RBFOX1: variants seen among roughly 807,000 people sequenced by gnomAD.
RBFOX1 encodes the protein RNA binding fox-1 homolog 1.
Under a neutral mutation model 57.7 loss-of-function variants are expected in RBFOX1, and 8 were observed. The ratio of observed to expected loss-of-function variants is 0.14; its 90% confidence interval spans 0.08 to 0.25. RBFOX1 has a LOEUF of 0.25. RBFOX1 is among the 10% of genes least tolerant of loss of function. The probability of loss-of-function intolerance (pLI) is 1.00; values close to 1 mark genes in which losing one functional copy is unlikely to be tolerated. For missense variants in RBFOX1, 611 were observed against 548.5 expected (o/e 1.11, Z -1.14); for synonymous variants, 326 against 222.4 (o/e 1.47, Z -4.15).
In RBFOX1 at chr16:6,869,698, G is replaced by C. The variant is rs141592270; in HGVS notation, c.-15-182359G>C. ...AACAAATTCTAGGACACACATTCAT[G>C]CAGTTGGCAAAGCCATGTGACTCTA... On this transcript the variant is annotated intron_variant, in intron 3 of 15. Coordinates refer to ENST00000550418, the MANE Select transcript of RBFOX1 (RefSeq NM_018723.4). Among the ~76,000 whole-genome samples the C allele has an allele frequency of 6.6e-3, 999 of 152,292 alleles. 16 individuals carry two copies. Among genetic ancestry groups the C allele is most frequent in the African/African-American group, 0.023 (946 of 41,570 alleles).
rs142592359 is a variant in RBFOX1 at position 6,131,830 on chromosome 16, C to G, written c.-127+111838C>G. ...GGCTCACATGTGCTGCTGGTGGTAA[C>G]ACATTCTCCTGCCACTCTCTGGCTC... is the stretch of plus-strand genomic sequence containing the variant. On this transcript the variant is annotated intron_variant, in intron 1 of 15. Coordinates refer to ENST00000550418, the MANE Select transcript of RBFOX1 (RefSeq NM_018723.4). 2.9e-3 allele frequency among the ~76,000 whole-genome samples: 436 copies of G among 152,218 alleles called. 2 individuals are homozygous for G. The highest frequency in any genetic ancestry group is 0.01 in the African/African-American group (429 of 41,542).
At chr16:7,362,128 G>T (rs1419442985) in intron 4 of RBFOX1, among the ~76,000 whole-genome samples, 1 of 151,678 alleles carries the variant, frequency 6.6e-6, no homozygotes, top group Non-Finnish European at 1.5e-5. Flanking sequence ...TGGATGTTTT[G>T]TGTGTGTGTT....
rs931925431 is a variant in RBFOX1 at position 7,650,558 on chromosome 16, C to A, written c.758-3257C>A. On this transcript the variant is annotated intron_variant, in intron 11 of 15. Transcript: ENST00000550418. ...TCCTGGCTCCACGCTCTTAACAGCACGTGCTCCCCTCTCTCTCTCTTGCCA... is the reference window on the plus strand; with the variant it reads ...TCCTGGCTCCACGCTCTTAACAGCAAGTGCTCCCCTCTCTCTCTCTTGCCA... Among the ~76,000 whole-genome samples the A allele has an allele frequency of 1.4e-4, 21 of 149,654 alleles. No individual in the cohort carries two copies. In the Admixed American group the frequency reaches 1.4e-3, roughly 10 times the overall value.
intron 2 of RBFOX1, among the ~76,000 whole-genome samples, chr16:6,567,961 C>G (rs1013592268): frequency 5.3e-5 from 8 of 152,162 alleles, no homozygotes; most frequent in African/African-American, 1.7e-4. Context: ...GCTGGGACTA[C>G]AGGCGCATGC....
chr16:5,628,815 C>G (rs971117560), intron 3 of RBFOX1, among the ~76,000 whole-genome samples: 1 of 152,224 alleles, frequency 6.6e-6, no homozygotes, highest in African/African-American at 2.4e-5. Context: ...AGGGAGATCT[C>G]ATGGCACCCT....
Position 5,599,229 on chromosome 16 carries a change from C to A in RBFOX1, c.586C>A (p.Pro196Thr), listed in dbSNP as rs769222571. 7.2e-6 allele frequency: 5 copies of A among 691,422 alleles called. No individual in the cohort carries two copies. In the African/African-American group the frequency reaches 8.8e-5, roughly 12 times the overall value. 42.8% of individuals were successfully genotyped at this position (691,422 alleles called of 1,614,324 possible). The change falls in exon 3 of 3, where the codon CCG becomes ACG. Residue 196 changes from proline (P) to threonine (T), a missense_variant. Transcript: ENST00000585867. ...GACCAGGCCCACTTGGTGGACAGAT[C>A]CGGGGCACAGTGGTTGGTGACAAGG...
intron 4 of RBFOX1, among the ~76,000 whole-genome samples, chr16:7,107,722 T>C (rs556138158): frequency 4.1e-4 from 63 of 152,230 alleles, no homozygotes; most frequent in Middle Eastern, 3.4e-3. Flanking sequence ...ATAAATGGAA[T>C]CATAGAGGAG....
chr16:6,535,075 G>A (rs1003210113), intron 2 of RBFOX1, among the ~76,000 whole-genome samples: 2 of 152,158 alleles, frequency 1.3e-5, no homozygotes, highest in Non-Finnish European at 2.9e-5. Flanking sequence ...AGCCAGGTTG[G>A]GACCATGGTT....
intron 3 of RBFOX1, among the ~76,000 whole-genome samples, chr16:7,034,688 C>T (rs576811328): frequency 4.6e-5 from 7 of 151,828 alleles, no homozygotes; most frequent in Non-Finnish European, 7.4e-5. Context: ...GAACAGGAGA[C>T]ATTCGCCTTT....
At chr16:5,702,368 A>G (rs1380721264) in intron 3 of RBFOX1, among the ~76,000 whole-genome samples, 1 of 152,160 alleles carries the variant, frequency 6.6e-6, no homozygotes, top group Non-Finnish European at 1.5e-5. Context: ...AGATAACAGC[A>G]AGGGAGAAAT....
chr16:6,823,663 G>A (rs1357088742), intron 3 of RBFOX1, among the ~76,000 whole-genome samples: 2 of 152,070 alleles, frequency 1.3e-5, no homozygotes, highest in African/African-American at 2.4e-5. Flanking sequence ...ATTTCTTAGG[G>A]TCAGTGGAAA....
intron 4 of RBFOX1, among the ~76,000 whole-genome samples, chr16:5,881,308 G>A (rs1358672451): frequency 1.3e-5 from 2 of 152,192 alleles, no homozygotes; most frequent in Non-Finnish European, 1.5e-5. Context: ...CCACCTTGTG[G>A]TAGTGATGGC....
rs577503835 is a variant in RBFOX1 at position 7,237,133 on chromosome 16, C to T, written c.27+185035C>T. ...AACTTCCCAGGGGCTGCAATACAGC[C>T]GCCAACCCAAATGTCATTGGGATAG... On this transcript the variant is annotated intron_variant, in intron 4 of 15. Coordinates refer to ENST00000550418, the MANE Select transcript of RBFOX1 (RefSeq NM_018723.4). Among the ~76,000 whole-genome samples, 197 of 152,268 alleles carry T rather than the reference C, an allele frequency of 1.3e-3. 2 individuals carry two copies. The highest frequency in any genetic ancestry group is 4.6e-3 in the African/African-American group (193 of 41,554).
chr16:7,248,027 C>G (rs1025957535), intron 4 of RBFOX1, among the ~76,000 whole-genome samples: 1 of 152,132 alleles, frequency 6.6e-6, no homozygotes, highest in Non-Finnish European at 1.5e-5. Context: ...GCACATGTAC[C>G]TCTGAACCTA....
intron 5 of RBFOX1, among the ~76,000 whole-genome samples, chr16:7,577,043 G>C (rs900361381): frequency 6.6e-6 from 1 of 152,178 alleles, no homozygotes; most frequent in Non-Finnish European, 1.5e-5. Flanking sequence ...CGCAAATTCT[G>C]CTCTGTTTGG....
At position 6,647,410 on chromosome 16, in the gene RBFOX1, A is replaced by C. The variant is rs1349899425; in HGVS notation, c.-63-7193A>C. 3.9e-5 allele frequency among the ~76,000 whole-genome samples: 6 copies of C among 152,152 alleles called. No individual in the cohort carries two copies. The South Asian group carries it at 1.2e-3, about 32-fold the overall frequency. On this transcript the variant is annotated intron_variant, in intron 2 of 15. Transcript: ENST00000550418. ...TAGATGCCCACCACCATGCCTGGCT[A>C]ATTTTTCTATTATATTGAAATCCAA...
intron 4 of RBFOX1, among the ~76,000 whole-genome samples, chr16:7,371,313 G>C (rs571671072): frequency 1.3e-5 from 2 of 152,262 alleles, no homozygotes; most frequent in South Asian, 4.2e-4. Context: ...GCTTAAAGTG[G>C]TACGTGCCTG....
At chr16:7,105,765 T>C (rs2063475133) in intron 4 of RBFOX1, among the ~76,000 whole-genome samples, 1 of 135,210 alleles carries the variant, frequency 7.4e-6, no homozygotes, top group Non-Finnish European at 1.6e-5. Context: ...TATATATCTA[T>C]ATATCTATGT....
chr16:6,367,564 C>G (rs1371318948), intron 2 of RBFOX1, among the ~76,000 whole-genome samples: 2 of 152,082 alleles, frequency 1.3e-5, no homozygotes, highest in Admixed American at 6.5e-5. Context: ...GCCAATGCGC[C>G]TGGCCCCTTC....
Sources: allele counts gnomAD v4.1 joint callset (sites outside exome capture counted in the v4.1 genomes callset), GRCh38; gene constraint gnomAD v4.1.1; transcripts MANE v1.5; gene names NCBI Gene and HGNC (gene_info 2026-07-23, HGNC 2026-07-21).